NRG1: variants seen among roughly 807,000 people sequenced by gnomAD.
The protein encoded by NRG1 is pro-neuregulin-1, membrane-bound isoform.
In NRG1, 18 loss-of-function variants were observed where a neutral mutation model predicts 63.8. The ratio of observed to expected loss-of-function variants is 0.28; its 90% CI spans 0.19 to 0.42. The LOEUF (loss-of-function observed/expected upper bound fraction) is 0.42, where lower values mean the gene tolerates loss of function less well. Ranked by LOEUF, NRG1 falls within the 10% of genes least tolerant of loss-of-function variation. NRG1 has a pLI of 1.00. For missense variants in NRG1, 762 were observed against 814.7 expected (o/e 0.94, Z 0.79); for synonymous variants, 302 against 301.3 (o/e 1.00, Z -0.02).
intron 1 of NRG1, among the ~76,000 whole-genome samples, chr8:32,064,991 A>G (rs559774053): frequency 3.3e-5 from 5 of 152,238 alleles, no homozygotes; most frequent in African/African-American, 1.2e-4. Flanking sequence ...AACCAATTAC[A>G]TTGGGGGATA....
At chr8:32,071,170 C>A (rs951028804) in intron 1 of NRG1, among the ~76,000 whole-genome samples, 1 of 152,170 alleles carries the variant, frequency 6.6e-6, no homozygotes. Context: ...TTTTCTCTTG[C>A]GCATTGGCCA....
chr8:31,917,460 G>A (rs925065151), intron 1 of NRG1, among the ~76,000 whole-genome samples: 18 of 150,350 alleles, frequency 1.2e-4, no homozygotes, highest in South Asian at 2.1e-4. Flanking sequence ...TATTAAATAG[G>A]GAATCCTTTC....
intron 5 of NRG1, among the ~76,000 whole-genome samples, chr8:32,652,521 C>G (rs1855349190): frequency 6.6e-6 from 1 of 152,090 alleles, no homozygotes; most frequent in Admixed American, 6.5e-5. Flanking sequence ...TATGTATTGA[C>G]TCTTTTTTAT....
intron 5 of NRG1, chr8:32,647,773 C>T (rs940766833): frequency 6.2e-7 from 1 of 1,609,200 alleles, no homozygotes; most frequent in African/African-American, 1.3e-5. Flanking sequence ...TCCTCCAGCC[C>T]CTCCACTCAG....
chr8:31,706,016 A>C (rs1040676402), intron 1 of NRG1, among the ~76,000 whole-genome samples: 8 of 152,236 alleles, frequency 5.3e-5, no homozygotes, highest in African/African-American at 1.9e-4. Flanking sequence ...CAAATTCCTT[A>C]TAACAAGAGC....
chr8:32,063,056 T>C (rs1824150795), intron 1 of NRG1: 2 of 152,172 alleles, frequency 1.3e-5, no homozygotes, highest in African/African-American at 4.8e-5. Flanking sequence ...TGTAAAGATG[T>C]AAATGTTCCT....
intron 1 of NRG1, among the ~76,000 whole-genome samples, chr8:31,701,527 G>C (rs1334211221): frequency 2.0e-5 from 3 of 151,968 alleles, no homozygotes; most frequent in Non-Finnish European, 4.4e-5. Flanking sequence ...ATAACATACA[G>C]ACCTGAAGTT....
At chr8:32,585,190 T>C (rs1470710324) in intron 1 of NRG1, among the ~76,000 whole-genome samples, 1 of 146,904 alleles carries the variant, frequency 6.8e-6, no homozygotes, top group Non-Finnish European at 1.5e-5. Context: ...ATGGCTGGTA[T>C]GTATAATGCA....
chr8:32,612,322 C>T (rs1846504385), intron 3 of NRG1, among the ~76,000 whole-genome samples: 1 of 152,028 alleles, frequency 6.6e-6, no homozygotes, highest in Admixed American at 6.6e-5. Context: ...CATAAAAATG[C>T]TTGCTGAGTG....
At position 32,163,507 on chromosome 8, in the gene NRG1, G is replaced by A. The variant is rs552374587; in HGVS notation, c.38-432321G>A. On this transcript the variant is annotated intron_variant, in intron 1 of 10. Transcript: ENST00000519301. Reference sequence around the variant, plus strand: ...TAACTGCTTTCATCCTTGGCAAGAAGAAAAAGAACGTGGGGAAAAGAGTCA... The same window carrying A: ...TAACTGCTTTCATCCTTGGCAAGAAAAAAAAGAACGTGGGGAAAAGAGTCA... Among the ~76,000 whole-genome samples the A allele has an allele frequency of 2.0e-5, 3 of 152,276 alleles. No homozygotes were observed. The South Asian group carries it at 6.2e-4, about 32-fold the overall frequency.
intron 1 of NRG1, among the ~76,000 whole-genome samples, chr8:31,758,004 G>C (rs536546850): frequency 2.6e-5 from 4 of 152,052 alleles, no homozygotes; most frequent in Admixed American, 2.6e-4. Context: ...AGCTGTTCTC[G>C]AACTTCATAT....
intron 1 of NRG1, among the ~76,000 whole-genome samples, chr8:31,796,924 A>G (rs1164033456): frequency 6.6e-6 from 1 of 152,120 alleles, no homozygotes; most frequent in Non-Finnish European, 1.5e-5. Context: ...CAGTATTCCT[A>G]GTGTTTGCAA....
At chr8:32,496,531 G>A (rs138737216) in intron 1 of NRG1, among the ~76,000 whole-genome samples, 1,971 of 152,162 alleles carry the variant, frequency 0.013, 37 homozygotes, top group African/African-American at 0.045. Context: ...TCAAGATTGC[G>A]GTGAGCTATG....
intron 1 of NRG1, among the ~76,000 whole-genome samples, chr8:32,127,558 T>A (rs919004304): frequency 6.0e-5 from 9 of 150,970 alleles, no homozygotes; most frequent in Non-Finnish European, 1.2e-4. Context: ...TGTGTGTGTG[T>A]TTAGAAATTC....
At chr8:32,681,105 T>A (rs1808497540) in intron 5 of NRG1, among the ~76,000 whole-genome samples, 1 of 152,188 alleles carries the variant, frequency 6.6e-6, no homozygotes, top group Non-Finnish European at 1.5e-5. Context: ...GACCCTCTCC[T>A]TTCAGTAAGA....
chr8:32,663,652 T>C lies in NRG1; in HGVS notation c.502+46767T>C, dbSNP rs142293434. 3.5e-3 allele frequency among the ~76,000 whole-genome samples: 533 copies of C among 152,266 alleles called. 5 individuals are homozygous for C. Among genetic ancestry groups the C allele is most frequent in the African/African-American group, 0.012 (504 of 41,554 alleles). On this transcript the variant is annotated intron_variant, in intron 5 of 11. Transcript: ENST00000356819. ...ATTATATCTTCTCTACTTCACTTTC[T>C]GGAAAGTAAAAAGCAGCAAAAAGGA...
chr8:32,198,905 A>G (rs147112589), intron 1 of NRG1, among the ~76,000 whole-genome samples: 2,956 of 151,732 alleles, frequency 0.019, 92 homozygotes, highest in African/African-American at 0.066. Flanking sequence ...TATCTTATTT[A>G]TATGTCTTAT....
At chr8:32,764,932 C>G (rs542675843) in exon 12 of NRG1, 4 of 152,320 alleles carry the variant, frequency 2.6e-5, no homozygotes, top group South Asian at 4.1e-4. Flanking sequence ...TCATTGGGCT[C>G]TGAGATAATA....
At chr8:32,390,135 G>A (rs569421254) in intron 1 of NRG1, among the ~76,000 whole-genome samples, 2 of 151,882 alleles carry the variant, frequency 1.3e-5, no homozygotes, top group African/African-American at 4.8e-5. Flanking sequence ...CATTCTCTAT[G>A]CCTGGGCTAC....
Sources: allele counts gnomAD v4.1 joint callset (sites outside exome capture counted in the v4.1 genomes callset), GRCh38; gene constraint gnomAD v4.1.1; transcripts MANE v1.5; gene names NCBI Gene and HGNC (gene_info 2026-07-23, HGNC 2026-07-21).